CDK8: variants seen among roughly 807,000 people sequenced by gnomAD.
CDK8 encodes cyclin-dependent kinase 8.
In CDK8, 29 loss-of-function variants were observed where a neutral mutation model predicts 71.5. The observed-to-expected ratio is 0.41, with a 90% confidence interval of 0.30 to 0.55. The LOEUF is 0.55. Among genes scored for constraint, CDK8 ranks in the 20% least tolerant of loss-of-function variants. The pLI is 0.37. For missense variants in CDK8, 288 were observed against 572.6 expected, an observed-to-expected ratio of 0.50 and a Z score of 5.07; for synonymous variants, 161 against 192.1, an observed-to-expected ratio of 0.84 and a Z score of 1.34.
At chr13:26,299,677 C>T (rs187667520) in intron 1 of CDK8, among the ~76,000 whole-genome samples, 2 of 152,280 alleles carry the variant, frequency 1.3e-5, no homozygotes, top group Admixed American at 1.3e-4. Flanking sequence ...TCTGTTCCAT[C>T]AAAGTCGGCC....
chr13:26,271,820 T>TG (rs1199788203), intron 1 of CDK8, among the ~76,000 whole-genome samples: 5 of 61,056 alleles, frequency 8.2e-5, no homozygotes, highest in African/African-American at 1.9e-4. Flanking sequence ...TTTTTTTTTT[T>TG]TTTTTTTTTT....
At chr13:26,330,876 A>G (rs1875282790) in intron 1 of CDK8, among the ~76,000 whole-genome samples, 1 of 152,128 alleles carries the variant, frequency 6.6e-6, no homozygotes, top group South Asian at 2.1e-4. Context: ...TGTCTTTGGT[A>G]TTGTGAATAG....
intron 1 of CDK8, among the ~76,000 whole-genome samples, chr13:26,257,258 C>T (rs1871563836): frequency 6.6e-6 from 1 of 152,140 alleles, no homozygotes; most frequent in Non-Finnish European, 1.5e-5. Flanking sequence ...ACATATTTGA[C>T]TATTGAAATG....
At chr13:26,275,927 A>G (rs1179603942) in intron 1 of CDK8, among the ~76,000 whole-genome samples, 2 of 152,158 alleles carry the variant, frequency 1.3e-5, no homozygotes, top group African/African-American at 2.4e-5. Context: ...CCGTGGCACA[A>G]TCTTGGCTCA....
At chr13:26,311,156 G>T (rs1483051814) in intron 1 of CDK8, among the ~76,000 whole-genome samples, 1 of 150,724 alleles carries the variant, frequency 6.6e-6, no homozygotes, top group Non-Finnish European at 1.5e-5. Context: ...TTGAATAAAT[G>T]GACTCACTGT....
rs145785314 is a variant in CDK8 at position 26,372,503 on chromosome 13, A to G, written c.457-10311A>G. Reference sequence around the variant, plus strand: ...TAGTTAATTTAATATACACTTACATAGTTTGTGTGTATAAACATGTATTTT... The same window carrying G: ...TAGTTAATTTAATATACACTTACATGGTTTGTGTGTATAAACATGTATTTT... On this transcript the variant is annotated intron_variant, in intron 4 of 12. Transcript: ENST00000381527. Among the ~76,000 whole-genome samples the G allele has an allele frequency of 8.7e-4, 132 of 152,358 alleles. 1 individual carries two copies. The highest frequency in any genetic ancestry group is 3.1e-3 in the African/African-American group (128 of 41,592).
intron 7 of CDK8, among the ~76,000 whole-genome samples, chr13:26,394,951 A>C (rs1242325000): frequency 6.6e-6 from 1 of 152,236 alleles, no homozygotes; most frequent in Non-Finnish European, 1.5e-5. Flanking sequence ...TGGAGAAAAA[A>C]GGGCAGATGG....
intron 1 of CDK8, among the ~76,000 whole-genome samples, chr13:26,298,675 G>A (rs1029324171): frequency 2.6e-5 from 4 of 152,108 alleles, no homozygotes; most frequent in African/African-American, 9.7e-5. Context: ...GATTAGTTGT[G>A]CGAAAACCAT....
At chr13:26,282,281 G>A (rs1436488526) in intron 1 of CDK8, among the ~76,000 whole-genome samples, 1 of 152,002 alleles carries the variant, frequency 6.6e-6, no homozygotes, top group Non-Finnish European at 1.5e-5. Flanking sequence ...TTATCTAAAG[G>A]CAAAACAAAG....
chr13:26,309,714 C>G (rs1565966636), intron 1 of CDK8, among the ~76,000 whole-genome samples: 1 of 152,172 alleles, frequency 6.6e-6, no homozygotes, highest in South Asian at 2.1e-4. Context: ...ACATTTACAT[C>G]CCAGCCCAGA....
chr13:26,401,133 T>C lies in CDK8; in HGVS notation c.1032-136T>C, dbSNP rs1391258844. ...AAAGAAAAGATTCGTTTTGTCACAG[T>C]TACATGAAAGGTGCTTATATTTGCA... On this transcript the variant is annotated intron_variant, in intron 10 of 12. Transcript: ENST00000381527. This position sits in a 1 kb window ranked among gnomAD's most constrained non-coding sequence, Gnocchi z 4.5. 1.5e-6 allele frequency: 1 copy of C among 675,974 alleles called. No homozygotes were observed. Among genetic ancestry groups the C allele is most frequent in the African/African-American group, 1.8e-5 (1 of 55,080 alleles). 41.9% of individuals were successfully genotyped at this position (675,974 alleles called of 1,614,324 possible).
At chr13:26,345,705 A>T (rs1324605149) in intron 2 of CDK8, among the ~76,000 whole-genome samples, 1 of 152,142 alleles carries the variant, frequency 6.6e-6, no homozygotes, top group African/African-American at 2.4e-5. Flanking sequence ...ATTTTTAGTA[A>T]ATTTTAGTAA....
At chr13:26,312,842 G>A (rs765822113) in intron 1 of CDK8, among the ~76,000 whole-genome samples, 5 of 152,104 alleles carry the variant, frequency 3.3e-5, no homozygotes, top group Non-Finnish European at 2.9e-5. Context: ...TTGATACTCA[G>A]CACTGTGTAT....
intron 7 of CDK8, among the ~76,000 whole-genome samples, chr13:26,395,287 C>A (rs779471446): frequency 1.3e-5 from 2 of 151,974 alleles, no homozygotes; most frequent in Non-Finnish European, 2.9e-5. Flanking sequence ...CCCGTCTCTA[C>A]CAAAAATACA....
intron 3 of CDK8, among the ~76,000 whole-genome samples, chr13:26,350,572 T>C (rs1219429153): frequency 6.6e-6 from 1 of 152,136 alleles, no homozygotes. Context: ...GGGTCCTGTT[T>C]GCACTGTTGC....
chr13:26,303,965 T>C (rs981568050), intron 1 of CDK8, among the ~76,000 whole-genome samples: 1 of 152,170 alleles, frequency 6.6e-6, no homozygotes, highest in Non-Finnish European at 1.5e-5. Context: ...ACTTTAACTC[T>C]TTTGAAATCC....
At chr13:26,398,614 T>G (rs1454081954) in intron 9 of CDK8, among the ~76,000 whole-genome samples, 1 of 152,238 alleles carries the variant, frequency 6.6e-6, no homozygotes, top group African/African-American at 2.4e-5. Context: ...GTGCTTTCTC[T>G]GAAATATCAG....
chr13:26,262,244 T>A (rs1048401160), intron 1 of CDK8, among the ~76,000 whole-genome samples: 1 of 152,244 alleles, frequency 6.6e-6, no homozygotes, highest in African/African-American at 2.4e-5. Flanking sequence ...CTTCAGTGTA[T>A]ATGTGGTTAA....
chr13:26,396,369 A>C lies in CDK8; in HGVS notation c.860+15A>C. On this transcript the variant is annotated intron_variant, in intron 8 of 12. Transcript: ENST00000381527. ...AGAAGAAATACGTAAGTTGGAAAAAAAGAGACTCCTTGTTGATTTTTGCTT... is the reference window on the plus strand; with the variant it reads ...AGAAGAAATACGTAAGTTGGAAAAACAGAGACTCCTTGTTGATTTTTGCTT... 1 of 1,306,756 alleles carries C rather than the reference A, an allele frequency of 7.7e-7. No homozygotes were observed. The highest frequency in any genetic ancestry group is 1.1e-6 in the Non-Finnish European group (1 of 939,214). 80.9% of individuals were successfully genotyped at this position (1,306,756 alleles called of 1,614,324 possible). A position where few individuals can be genotyped will look rare whatever the true frequency, so the allele number is the denominator to read the frequency against.
Sources: allele counts gnomAD v4.1 joint callset (sites outside exome capture counted in the v4.1 genomes callset), GRCh38; gene constraint gnomAD v4.1.1; non-coding constraint Gnocchi (gnomAD v3.1); transcripts MANE v1.5; gene names NCBI Gene and HGNC (gene_info 2026-07-23, HGNC 2026-07-21).